The following PLOD2 variants were observed in gnomAD, a reference collection of about 807,000 sequenced individuals.
PLOD2 encodes procollagen-lysine,2-oxoglutarate 5-dioxygenase 2, also known as lysine hydroxylase 2.
In PLOD2, 65 loss-of-function variants were observed where a neutral mutation model predicts 101.0. That is an observed-to-expected ratio of 0.64 (90% CI 0.53 to 0.79). PLOD2 has a LOEUF of 0.79. Ranked by LOEUF, PLOD2 falls within the 30% of genes least tolerant of loss-of-function variation. PLOD2 has a pLI of 0.00. For missense variants in PLOD2, 909 were observed against 914.6 expected (o/e 0.99, Z 0.08); for synonymous variants, 314 against 302.9 (o/e 1.04, Z -0.38).
chr3:146,147,564 T>G (rs971230028), intron 1 of PLOD2, among the ~76,000 whole-genome samples: 6 of 152,062 alleles, frequency 3.9e-5, no homozygotes, highest in African/African-American at 1.4e-4. Context: ...TCATGCTGTG[T>G]AATGCAGGAC....
intron 8 of PLOD2, among the ~76,000 whole-genome samples, chr3:146,089,180 C>T (rs530185980): frequency 6.6e-6 from 1 of 151,572 alleles, no homozygotes; most frequent in South Asian, 2.1e-4. Flanking sequence ...AGACTTTATC[C>T]TTTTATTTCC....
Position 146,150,886 on chromosome 3 carries a change from T to A in PLOD2, c.109+9995A>T, listed in dbSNP as rs182150866. ...TTCCTCTCTGAAAACAGAAAATAGCTTCATAAAAACACCAGACTTGTTTTC... is the reference window on the plus strand; with the variant it reads ...TTCCTCTCTGAAAACAGAAAATAGCATCATAAAAACACCAGACTTGTTTTC... On this transcript the variant is annotated intron_variant, in intron 1 of 19. Coordinates refer to ENST00000282903, the MANE Select transcript of PLOD2 (RefSeq NM_182943.3). Among the ~76,000 whole-genome samples the A allele has an allele frequency of 1.3e-3, 195 of 152,278 alleles. 2 individuals are homozygous for A. Among genetic ancestry groups the A allele is most frequent in the Non-Finnish European group, 3.7e-4 (25 of 68,006 alleles).
chr3:146,076,915 A>C lies in PLOD2; in HGVS notation c.1564-20T>G, dbSNP rs1936365056. The C allele has an allele frequency of 6.8e-7, 1 of 1,465,576 alleles. No individual in the cohort carries two copies. The highest frequency in any genetic ancestry group is 9.5e-7 in the Non-Finnish European group (1 of 1,048,724). 90.8% of individuals were successfully genotyped at this position (1,465,576 alleles called of 1,614,324 possible). A position where few individuals can be genotyped will look rare whatever the true frequency, so the allele number is the denominator to read the frequency against. Reference sequence around the variant, plus strand: ...TACACCCTATATGCCAGAAAATAACAGTATTAATCTTAGAGGTAGGTACAA... The same window carrying C: ...TACACCCTATATGCCAGAAAATAACCGTATTAATCTTAGAGGTAGGTACAA... On this transcript the variant is annotated intron_variant, in intron 14 of 19. Coordinates refer to ENST00000282903, the MANE Select transcript of PLOD2 (RefSeq NM_182943.3).
At chr3:146,090,583 AT>A (rs1936939411) in intron 8 of PLOD2, among the ~76,000 whole-genome samples, 2 of 151,714 alleles carry the variant, frequency 1.3e-5, no homozygotes, top group Non-Finnish European at 3.0e-5. Flanking sequence ...ATGCAGCTTC[AT>A]TCAGAAATAT....
chr3:146,130,851 T>C (rs1047488999), intron 1 of PLOD2, among the ~76,000 whole-genome samples: 3 of 152,164 alleles, frequency 2.0e-5, no homozygotes, highest in Non-Finnish European at 4.4e-5. Flanking sequence ...AAGACTTCTA[T>C]CCTTAGAAAG....
At chr3:146,086,293 T>A (rs2108019534) in intron 10 of PLOD2, 1 of 152,554 alleles carries the variant, frequency 6.6e-6, no homozygotes, top group African/African-American at 2.4e-5. Context: ...TTTTTACTAT[T>A]ACTAGAGTTT....
At chr3:146,098,921 G>C (rs1937291279) in intron 7 of PLOD2, among the ~76,000 whole-genome samples, 2 of 151,990 alleles carry the variant, frequency 1.3e-5, no homozygotes, top group Non-Finnish European at 2.9e-5. Context: ...CATCAGCCTG[G>C]ATAAGAAGAA....
rs184286520 is a variant in PLOD2 at position 146,111,809 on chromosome 3, C to T, written c.339-1361G>A. On this transcript the variant is annotated intron_variant, in intron 3 of 19. Coordinates refer to ENST00000282903, the MANE Select transcript of PLOD2 (RefSeq NM_182943.3). ...AACTGATTTCCTCAACCGGATTTAA[C>T]GGTGATATTTTCCTCAAGACTATAA... Among the ~76,000 whole-genome samples, 626 of 151,218 alleles carry T rather than the reference C, an allele frequency of 4.1e-3. 1 individual carries two copies. The highest frequency in any genetic ancestry group is 0.015 in the African/African-American group (600 of 41,226).
At chr3:146,074,015 G>A (rs1936243115) in intron 15 of PLOD2, among the ~76,000 whole-genome samples, 1 of 151,298 alleles carries the variant, frequency 6.6e-6, no homozygotes. Flanking sequence ...ACTTCTTTCA[G>A]TTACTAAAAT....
chr3:146,158,913 C>T (rs1452470476), intron 1 of PLOD2, among the ~76,000 whole-genome samples: 1 of 152,152 alleles, frequency 6.6e-6, no homozygotes. Flanking sequence ...TTAAGCTAGA[C>T]AATTTAGGGT....
intron 13 of PLOD2, 52 bp from the exon 14 acceptor site, chr3:146,077,976 G>T: frequency 1.1e-6 from 1 of 934,364 alleles, no homozygotes; most frequent in Non-Finnish European, 1.8e-6. Context: ...CGCTCTCTCA[G>T]GTATTCTTTG....
Position 146,078,986 on chromosome 3 carries a change from C to G in PLOD2, c.1500+130G>C, listed in dbSNP as rs556918013. ...AAAATTACTCCCAAATTTTTTAACA[C>G]AGAACCAAAAAAATTGGCTAGTACT... On this transcript the variant is annotated intron_variant, in intron 13 of 19. Transcript: ENST00000282903. 176 of 867,860 alleles carry G rather than the reference C, an allele frequency of 2.0e-4. No individual in the cohort carries two copies. In the African/African-American group the frequency reaches 2.4e-3, roughly 12 times the overall value. 53.8% of individuals were successfully genotyped at this position (867,860 alleles called of 1,614,324 possible). A position where few individuals can be genotyped will look rare whatever the true frequency, so the allele number is the denominator to read the frequency against.
chr3:146,106,385 T>C, intron 5 of PLOD2, 147 bp downstream of exon 5: 1 of 657,300 alleles, frequency 1.5e-6, no homozygotes, highest in Non-Finnish European at 2.8e-6. Context: ...ATCTCACCTA[T>C]TAAAATATGT....
intron 17 of PLOD2, among the ~76,000 whole-genome samples, chr3:146,071,908 C>T (rs1936154313): frequency 1.3e-5 from 2 of 151,608 alleles, no homozygotes; most frequent in South Asian, 4.1e-4. Flanking sequence ...TTTCATCACC[C>T]ACTAACTTAA....
chr3:146,104,212 G>A (rs1937490223), intron 6 of PLOD2, 67 bp downstream of exon 6: 1 of 906,878 alleles, frequency 1.1e-6, no homozygotes, highest in Admixed American at 1.7e-5. Context: ...ACATAACAAA[G>A]GAAAGATAGT....
intron 17 of PLOD2, 106 bp from the exon 18 acceptor site, chr3:146,071,529 C>T (rs1936135585): frequency 9.2e-7 from 1 of 1,085,958 alleles, no homozygotes; most frequent in Non-Finnish European, 1.4e-6. Flanking sequence ...ATAAAAATAA[C>T]AGTTGTTCCA....
At chr3:146,123,883 A>C (rs1486459947) in intron 2 of PLOD2, among the ~76,000 whole-genome samples, 1 of 152,058 alleles carries the variant, frequency 6.6e-6, no homozygotes, top group Non-Finnish European at 1.5e-5. Flanking sequence ...TATGGGGTAC[A>C]TGTGATATTT....
chr3:146,073,566 A>G (rs552165949), intron 15 of PLOD2: 1 of 265,130 alleles, frequency 3.8e-6, no homozygotes, highest in Admixed American at 5.4e-5. Context: ...TTATTTATGA[A>G]ATATTGTACC....
At position 146,110,417 on chromosome 3, in the gene PLOD2, C is replaced by T; in HGVS notation, c.370G>A (p.Glu124Lys). The T allele has an allele frequency of 6.2e-7, 1 of 1,613,486 alleles. No homozygotes were observed. The highest frequency in any genetic ancestry group is 8.5e-7 in the Non-Finnish European group (1 of 1,179,752). ...FDVIFAGGPE[E>K]VLKKFQKANH... ...GCCTTTTGGAATTTTTTTAGAACTT[C>T]TTCTGGACCACCAGCAAATATGACA... The change falls in exon 4 of 20, where the codon GAA becomes AAA. Residue 124 changes from glutamate to lysine, a missense_variant. Physicochemically the swap from Glu to Lys is moderately conservative, Grantham distance 56 (BLOSUM62 1). Transcript: ENST00000282903.
Sources: gnomAD v4.1 joint callset for allele counts (sites outside exome capture counted in the v4.1 genomes callset) on GRCh38, gnomAD v4.1.1 for gene constraint, MANE v1.5 for transcripts, NCBI Gene and HGNC (gene_info 2026-07-23, HGNC 2026-07-21) for gene names.